The following MIER1 variants were observed in gnomAD, a reference collection of about 807,000 sequenced individuals.
The protein encoded by MIER1 is MIER1 transcriptional regulator.
Under a neutral mutation model 75.7 loss-of-function variants are expected in MIER1, and 40 were observed. The ratio of observed to expected loss-of-function variants is 0.53; its 90% CI spans 0.41 to 0.69. The LOEUF (loss-of-function observed/expected upper bound fraction) is 0.69. Among genes scored for constraint, MIER1 ranks in the 30% least tolerant of loss-of-function variants. The pLI, the probability that MIER1 is intolerant of heterozygous loss-of-function variation, is 0.00. For missense variants in MIER1, 574 were observed against 680.2 expected, an observed-to-expected ratio of 0.84 and a Z score of 1.74; for synonymous variants, 213 against 223.4, an observed-to-expected ratio of 0.95 and a Z score of 0.42.
chr1:66,932,551 G>T (rs1016439940), intron 2 of MIER1: 1 of 152,144 alleles, frequency 6.6e-6, no homozygotes, highest in Non-Finnish European at 1.5e-5. Context: ...GACGATTTTT[G>T]AGACCAGTGG....
chr1:66,984,681 T>C lies in MIER1; in HGVS notation c.1479T>C (p.Asp493=). 6.2e-7 allele frequency: 1 copy of C among 1,614,016 alleles called. No individual in the cohort carries two copies. The highest frequency in any genetic ancestry group is 8.5e-7 in the Non-Finnish European group (1 of 1,179,916). Residue 493 remains aspartate, a synonymous_variant, in exon 14 of 14, where the codon GAT becomes GAC. Transcript: ENST00000401041. ...TGGNKKPLHA[D]MDTNGYETDN... ...GAAATAAGAAACCACTTCATGCAGA[T>C]ATGGATACTAATGGTTATGAAACAG...
rs1666931402 is a variant in MIER1, at chr1:66,987,512, T to TA, written c.*2616dup. 6.5e-6 allele frequency: 1 copy of TA among 152,718 alleles called. No homozygotes were observed. The highest frequency in any genetic ancestry group is 2.4e-5 in the African/African-American group (1 of 41,454). 9.5% of individuals were successfully genotyped at this position (152,718 alleles called of 1,614,324 possible). On this transcript the variant is annotated 3_prime_UTR_variant, in exon 14 of 14. Transcript: ENST00000401041. Reference sequence around the variant, plus strand: ...AGTTCAACACAAGTTTGTTGAGCTTTAAAATGTATTTGAAGTAATATTTAA... The same window carrying TA: ...AGTTCAACACAAGTTTGTTGAGCTTTAAAAATGTATTTGAAGTAATATTTAA...
intron 4 of MIER1, among the ~76,000 whole-genome samples, chr1:66,950,270 A>G (rs1384039937): frequency 6.6e-6 from 1 of 152,188 alleles, no homozygotes; most frequent in African/African-American, 2.4e-5. Flanking sequence ...CACCAAGCCC[A>G]GCTAATTTTT....
intron 4 of MIER1, among the ~76,000 whole-genome samples, chr1:66,951,875 G>A (rs1025171749): frequency 6.6e-6 from 1 of 152,154 alleles, no homozygotes; most frequent in African/African-American, 2.4e-5. Context: ...GAAGAAGGCA[G>A]TATATATGCA....
At chr1:66,971,230 GTA>G (rs1254139985) in intron 9 of MIER1, among the ~76,000 whole-genome samples, 1 of 152,008 alleles carries the variant, frequency 6.6e-6, no homozygotes, top group Non-Finnish European at 1.5e-5. Context: ...AAGAATCTGT[GTA>G]TATCAAGTTG....
At chr1:66,955,713 A>C (rs1391908250) in intron 4 of MIER1, among the ~76,000 whole-genome samples, 1 of 152,152 alleles carries the variant, frequency 6.6e-6, no homozygotes, top group Non-Finnish European at 1.5e-5. Context: ...TGAACTCTTA[A>C]GGCCTATGTA....
chr1:66,981,203 G>A (rs2102058861), intron 12 of MIER1, among the ~76,000 whole-genome samples: 1 of 152,300 alleles, frequency 6.6e-6, no homozygotes, highest in South Asian at 2.1e-4. Context: ...GTTCAGGAAT[G>A]ATTTAGAGAA....
chr1:66,930,977 G>A (rs374576477), intron 2 of MIER1, among the ~76,000 whole-genome samples: 8 of 152,102 alleles, frequency 5.3e-5, no homozygotes, highest in Non-Finnish European at 1.2e-4. Flanking sequence ...CATTTATCCA[G>A]ACAGTTCCAT....
At chr1:66,949,596 C>G (rs1405245780) in intron 4 of MIER1, among the ~76,000 whole-genome samples, 2 of 152,164 alleles carry the variant, frequency 1.3e-5, no homozygotes, top group Non-Finnish European at 2.9e-5. Context: ...GCATAGAATG[C>G]TTTTCATCTG....
At chr1:66,931,652 G>A (rs148808153) in intron 2 of MIER1, among the ~76,000 whole-genome samples, 1 of 152,058 alleles carries the variant, frequency 6.6e-6, no homozygotes, top group East Asian at 1.9e-4. Context: ...TTTTGCTCTT[G>A]GTGGTTAAAG....
chr1:66,948,345 C>T (rs766846000), intron 4 of MIER1: 3 of 510,922 alleles, frequency 5.9e-6, no homozygotes, highest in African/African-American at 2.1e-5. Context: ...AATGCTTATA[C>T]TTTTATGGTA....
intron 6 of MIER1, among the ~76,000 whole-genome samples, chr1:66,959,430 T>C (rs1207858865): frequency 6.6e-6 from 1 of 152,152 alleles, no homozygotes. Context: ...TTATTCTAAA[T>C]CAGTTTTTTC....
intron 1 of MIER1, 66 bp downstream of exon 1, chr1:66,925,161 G>A (rs1651195914): frequency 6.6e-7 from 1 of 1,525,082 alleles, no homozygotes. Flanking sequence ...GGCTCCTGAG[G>A]TGTCCTCAGT....
chr1:66,963,527 G>C (rs553410838), intron 8 of MIER1, among the ~76,000 whole-genome samples: 27 of 151,962 alleles, frequency 1.8e-4, no homozygotes, highest in Non-Finnish European at 3.2e-4. Flanking sequence ...TCAATGAAAG[G>C]CATAAAAACA....
At chr1:66,942,967 C>T (rs903053761) in intron 3 of MIER1, among the ~76,000 whole-genome samples, 1 of 152,008 alleles carries the variant, frequency 6.6e-6, no homozygotes, top group Non-Finnish European at 1.5e-5. Context: ...TAGAGTGTAA[C>T]AAGTATAACA....
At chr1:66,945,293 AT>A (rs1558041934) in intron 3 of MIER1, among the ~76,000 whole-genome samples, 115 of 12,870 alleles carry the variant, frequency 8.9e-3, no homozygotes, top group African/African-American at 0.04. Flanking sequence ...ATATATATAT[AT>A]ATATATATAT....
chr1:66,951,770 G>A (rs1008288635), intron 4 of MIER1, among the ~76,000 whole-genome samples: 7 of 151,960 alleles, frequency 4.6e-5, no homozygotes, highest in African/African-American at 1.7e-4. Context: ...TATTCATCAT[G>A]TACTATGCCC....
chr1:66,928,047 A>G (rs1288880220), intron 2 of MIER1, among the ~76,000 whole-genome samples: 1 of 152,098 alleles, frequency 6.6e-6, no homozygotes, highest in Non-Finnish European at 1.5e-5. Context: ...GTAATGTGTT[A>G]CCTATGAATT....
intron 13 of MIER1, among the ~76,000 whole-genome samples, chr1:66,983,814 G>A (rs916128455): frequency 2.6e-5 from 4 of 152,082 alleles, no homozygotes; most frequent in East Asian, 1.9e-4. Flanking sequence ...TGCAACCTCC[G>A]CCTCCTGGGT....
Sources: gnomAD v4.1 joint callset for allele counts (sites outside exome capture counted in the v4.1 genomes callset) on GRCh38, gnomAD v4.1.1 for gene constraint, MANE v1.5 for transcripts, NCBI Gene and HGNC (gene_info 2026-07-23, HGNC 2026-07-21) for gene names.